Variants in MICAL3 observed in about 807,000 individuals in gnomAD.
MICAL3 encodes [F-actin]-monooxygenase MICAL3.
In MICAL3, 62 loss-of-function variants were observed where a neutral mutation model predicts 207.4. That is an observed-to-expected ratio of 0.30 (90% CI 0.24 to 0.37). The LOEUF is 0.37. Ranked by LOEUF, MICAL3 falls within the 10% of genes least tolerant of loss-of-function variation. The probability of loss-of-function intolerance (pLI) is 1.00; values close to 1 mark genes in which losing one functional copy is unlikely to be tolerated. For synonymous variants in MICAL3, 1,077 were observed against 1,069.3 expected (o/e 1.01, Z -0.14); for missense variants, 2,368 against 2,635.6 (o/e 0.90, Z 2.22).
At chr22:17,809,226 C>T (rs558616231) in intron 28 of MICAL3, among the ~76,000 whole-genome samples, 2 of 152,340 alleles carry the variant, frequency 1.3e-5, no homozygotes, top group East Asian at 3.9e-4. Context: ...TGGATGTAAT[C>T]TGTGGCAGGA....
At chr22:17,844,182 G>A (rs1386761149) in intron 19 of MICAL3, among the ~76,000 whole-genome samples, 1 of 152,206 alleles carries the variant, frequency 6.6e-6, no homozygotes, top group African/African-American at 2.4e-5. Context: ...AGAAGGGGCA[G>A]AGGTGCTGGA....
At chr22:17,856,608 C>T (rs1602065345) in intron 19 of MICAL3, among the ~76,000 whole-genome samples, 2 of 94,878 alleles carry the variant, frequency 2.1e-5, no homozygotes, top group Non-Finnish European at 3.9e-5. Context: ...AAAATGTTTA[C>T]TTTTTTTTTT....
intron 19 of MICAL3, among the ~76,000 whole-genome samples, chr22:17,857,191 G>A (rs543783510): frequency 1.3e-3 from 192 of 152,282 alleles, no homozygotes; most frequent in Non-Finnish European, 2.5e-3. Flanking sequence ...TAGACCCACC[G>A]CCTGTCAGGA....
intron 1 of MICAL3, among the ~76,000 whole-genome samples, chr22:17,929,361 T>G (rs868781735): frequency 6.7e-6 from 1 of 150,200 alleles, no homozygotes; most frequent in African/African-American, 2.4e-5. Context: ...TCCTGGTCTC[T>G]CCAAGTGCTA....
rs1008773327 is a variant in MICAL3 at position 17,789,271 on chromosome 22, G to C, written c.*1461C>G. On this transcript the variant is annotated 3_prime_UTR_variant, in exon 32 of 32. Transcript: ENST00000441493. ...GCAGCACTCGCGTTTCCGTCTGGGTGAATCTTAGGCTGGGAGGAGGGAATT... is the reference window on the plus strand; with the variant it reads ...GCAGCACTCGCGTTTCCGTCTGGGTCAATCTTAGGCTGGGAGGAGGGAATT... 1 of 152,296 alleles carries C rather than the reference G, an allele frequency of 6.6e-6. No homozygotes were observed. Among genetic ancestry groups the C allele is most frequent in the Non-Finnish European group, 1.5e-5 (1 of 68,080 alleles). The allele number at this position is 152,296 out of a possible 1,614,324, so 9.4% of individuals were successfully genotyped here.
At position 17,923,757 on chromosome 22, in the gene MICAL3, G is replaced by A. The variant is rs181992127; in HGVS notation, c.-74-16871C>T. Among the ~76,000 whole-genome samples the A allele has an allele frequency of 4.4e-3, 670 of 152,358 alleles. 6 individuals are homozygous for A. Among genetic ancestry groups the A allele is most frequent in the African/African-American group, 0.015 (630 of 41,588 alleles). On this transcript the variant is annotated intron_variant, in intron 1 of 31. Transcript: ENST00000441493. ...GGGCAAACCCCAGTGTTCCCTAAGG[G>A]ATATTAGAAAGTGTTACTGCTGTGA...
intron 1 of MICAL3, among the ~76,000 whole-genome samples, chr22:17,916,506 C>T (rs1332573116): frequency 6.6e-6 from 1 of 152,252 alleles, no homozygotes; most frequent in Non-Finnish European, 1.5e-5. Flanking sequence ...TCTTCTCCCA[C>T]TATCTTTGAA....
At chr22:17,829,252 C>T (rs1278940871) in intron 21 of MICAL3, among the ~76,000 whole-genome samples, 4 of 151,842 alleles carry the variant, frequency 2.6e-5, no homozygotes, top group Non-Finnish European at 5.9e-5. Flanking sequence ...CCGCAACCTC[C>T]GCCTCCCAGG....
intron 19 of MICAL3, among the ~76,000 whole-genome samples, chr22:17,858,685 AT>A (rs1926192748): frequency 6.6e-6 from 1 of 152,192 alleles, no homozygotes; most frequent in South Asian, 2.1e-4. Flanking sequence ...CTGACAGGGA[AT>A]TTATGAGAAA....
At chr22:17,890,784 T>C (rs796405008) in intron 12 of MICAL3, among the ~76,000 whole-genome samples, 41 of 152,332 alleles carry the variant, frequency 2.7e-4, no homozygotes, top group African/African-American at 9.9e-4. Flanking sequence ...CATGCTCTGC[T>C]TCTGAATCCT....
intron 1 of MICAL3, among the ~76,000 whole-genome samples, chr22:18,003,048 T>A (rs1435894439): frequency 1.3e-5 from 2 of 151,000 alleles, no homozygotes; most frequent in Non-Finnish European, 2.9e-5. Context: ...TAGTCCCAGC[T>A]ACTCAGGAGG....
intron 22 of MICAL3, among the ~76,000 whole-genome samples, chr22:17,823,379 G>A (rs1240182481): frequency 6.6e-6 from 1 of 152,246 alleles, no homozygotes; most frequent in Non-Finnish European, 1.5e-5. Context: ...GGTGGAAAGG[G>A]AAATGCTGTT....
chr22:17,828,535 T>C (rs915395196), intron 21 of MICAL3, among the ~76,000 whole-genome samples: 3 of 152,124 alleles, frequency 2.0e-5, no homozygotes, highest in Non-Finnish European at 4.4e-5. Context: ...TTCATGTACG[T>C]TTCCAAACCC....
At chr22:17,802,284 C>T (rs117829950) in intron 29 of MICAL3, among the ~76,000 whole-genome samples, 1,792 of 152,270 alleles carry the variant, frequency 0.012, 20 homozygotes, top group Non-Finnish European at 0.018. Flanking sequence ...AGGCTAGTTT[C>T]AAACTCCTGG....
rs184259766 is a variant in MICAL3, at chr22:17,996,489, A to G, written c.-75+27792T>C. Reference sequence around the variant, plus strand: ...AATCAACTGCAAGGCTTGGGGTGACAGTTTCCTGGTCATTCTTCCCAGTTT... The same window carrying G: ...AATCAACTGCAAGGCTTGGGGTGACGGTTTCCTGGTCATTCTTCCCAGTTT... On this transcript the variant is annotated intron_variant, in intron 1 of 31. Transcript: ENST00000441493. 4.1e-4 allele frequency among the ~76,000 whole-genome samples: 63 copies of G among 151,858 alleles called. 2 individuals carry two copies. In the South Asian group the frequency reaches 9.8e-3, roughly 24 times the overall value.
intron 1 of MICAL3, among the ~76,000 whole-genome samples, chr22:17,962,901 A>AATTTTTTTG (rs1355062794): frequency 6.6e-6 from 1 of 152,014 alleles, no homozygotes; most frequent in Admixed American, 6.6e-5. Flanking sequence ...GGAGCACACC[A>AATTTTTTTG]CCATGCCCAG....
chr22:17,804,494 G>T (rs1213173324), intron 29 of MICAL3, among the ~76,000 whole-genome samples: 1 of 152,194 alleles, frequency 6.6e-6, no homozygotes, highest in Non-Finnish European at 1.5e-5. Context: ...AACAGGAAAC[G>T]AGCAGAGACT....
chr22:17,872,953 G>A lies in MICAL3; in HGVS notation c.2242-930C>T, dbSNP rs1445489974. 7.4e-6 allele frequency: 6 copies of A among 808,992 alleles called. No homozygotes were observed. In the African/African-American group the frequency reaches 1.0e-4, roughly 14 times the overall value. The allele number at this position is 808,992 out of a possible 1,614,324, so 50.1% of individuals were successfully genotyped here. The stretch of plus-strand genomic sequence containing the variant: ...CACGGGGAAAAAAAGAAATCTTTGG[G>A]AAGTGCAATTTGAATACAAGGTGCA... On this transcript the variant is annotated intron_variant, in intron 16 of 31. Transcript: ENST00000441493.
intron 15 of MICAL3, among the ~76,000 whole-genome samples, chr22:17,886,889 G>A (rs1467720169): frequency 4.0e-5 from 6 of 149,010 alleles, no homozygotes; most frequent in Non-Finnish European, 7.4e-5. Flanking sequence ...GGCTGAGGCA[G>A]GAGAATTGCT....
Sources: gnomAD v4.1 joint callset for allele counts (sites outside exome capture counted in the v4.1 genomes callset) on GRCh38, gnomAD v4.1.1 for gene constraint, MANE v1.5 for transcripts, NCBI Gene and HGNC (gene_info 2026-07-23, HGNC 2026-07-21) for gene names.